KHDRBS2: variants seen among roughly 807,000 people sequenced by gnomAD.
KHDRBS2 encodes the protein KH RNA binding domain containing, signal transduction associated 2, also known as KH domain-containing, RNA-binding, signal transduction-associated protein 2.
Under a neutral mutation model 44.3 loss-of-function variants are expected in KHDRBS2, and 26 were observed. That is an observed-to-expected ratio of 0.59 (90% CI 0.43 to 0.81). KHDRBS2 has a LOEUF of 0.81. Among genes scored for constraint, KHDRBS2 ranks in the 40% least tolerant of loss-of-function variants. KHDRBS2 has a pLI of 0.00. For missense variants in KHDRBS2, 476 were observed against 433.1 expected (o/e 1.10, Z -0.88); for synonymous variants, 194 against 151.1 (o/e 1.28, Z -2.08).
intron 2 of KHDRBS2, among the ~76,000 whole-genome samples, chr6:62,155,609 A>G (rs1355672303): frequency 6.6e-6 from 1 of 152,204 alleles, no homozygotes; most frequent in African/African-American, 2.4e-5. Context: ...TGGCCCCAAC[A>G]CTGTCCAAGA....
At chr6:62,047,045 C>T (rs1441195986) in intron 3 of KHDRBS2, among the ~76,000 whole-genome samples, 1 of 151,848 alleles carries the variant, frequency 6.6e-6, no homozygotes. Flanking sequence ...AACACAGATG[C>T]AGGACTCCTG....
At chr6:62,206,342 T>C (rs1258371412) in intron 1 of KHDRBS2, among the ~76,000 whole-genome samples, 1 of 152,104 alleles carries the variant, frequency 6.6e-6, no homozygotes, top group Non-Finnish European at 1.5e-5. Context: ...GTGTAGCTTT[T>C]CTCAAAACGT....
intron 4 of KHDRBS2, among the ~76,000 whole-genome samples, chr6:61,927,010 G>A (rs772047099): frequency 6.6e-6 from 1 of 151,860 alleles, no homozygotes; most frequent in African/African-American, 2.4e-5. Context: ...CAATCATCTA[G>A]TGCTTATCCA....
chr6:62,072,773 G>A (rs2127346927), intron 2 of KHDRBS2, among the ~76,000 whole-genome samples: 1 of 152,214 alleles, frequency 6.6e-6, no homozygotes, highest in East Asian at 1.9e-4. Context: ...TTGCATCGAT[G>A]TTCATCAGGG....
chr6:61,948,888 A>G (rs1764169772), intron 4 of KHDRBS2, among the ~76,000 whole-genome samples: 1 of 151,908 alleles, frequency 6.6e-6, no homozygotes, highest in African/African-American at 2.4e-5. Flanking sequence ...ACAATGTGAT[A>G]AAGCCTTTAT....
chr6:61,574,260 A>T, the KHDRBS2 span: 1 of 1,093,030 alleles, frequency 9.1e-7, no homozygotes, highest in Non-Finnish European at 1.4e-6. Flanking sequence ...CATATGTTTA[A>T]CGGCCGTGGT....
At chr6:62,238,726 ATATT>A (rs1054341439) in intron 1 of KHDRBS2, among the ~76,000 whole-genome samples, 306 of 151,786 alleles carry the variant, frequency 2.0e-3, no homozygotes, top group African/African-American at 6.9e-3. Flanking sequence ...ACACACACAT[ATATT>A]TGAGTACAGA....
At chr6:61,576,128 C>T in the KHDRBS2 span, among the ~76,000 whole-genome samples, 9 of 151,946 alleles carry the variant, frequency 5.9e-5, no homozygotes, top group Non-Finnish European at 1.3e-4. Context: ...ATAAGTGACA[C>T]TGGTATTTTG....
chr6:61,691,721 C>T (rs1026498586), intron 8 of KHDRBS2, among the ~76,000 whole-genome samples: 3 of 152,090 alleles, frequency 2.0e-5, no homozygotes, highest in Non-Finnish European at 4.4e-5. Flanking sequence ...GCTGCCACAA[C>T]TGCCAGTTAA....
the KHDRBS2 span, among the ~76,000 whole-genome samples, chr6:61,572,437 T>C: frequency 6.6e-6 from 1 of 151,842 alleles, no homozygotes; most frequent in African/African-American, 2.4e-5. Flanking sequence ...TTTCAAAAGA[T>C]AAAGAGGGAA....
chr6:62,195,190 G>A (rs1028242226), intron 1 of KHDRBS2, among the ~76,000 whole-genome samples: 55 of 151,996 alleles, frequency 3.6e-4, no homozygotes, highest in Admixed American at 1.3e-4. Context: ...TGATGCTATT[G>A]TAAATGGAAT....
chr6:62,284,310 CT>C (rs140221530), intron 1 of KHDRBS2, among the ~76,000 whole-genome samples: 3,006 of 151,894 alleles, frequency 0.02, 102 homozygotes, highest in African/African-American at 0.069. Context: ...CAATTTGTAA[CT>C]TTTTTTTCAC....
chr6:61,631,419 C>A, the KHDRBS2 span, among the ~76,000 whole-genome samples: 1 of 148,810 alleles, frequency 6.7e-6, no homozygotes, highest in South Asian at 2.1e-4. Context: ...ACTTCAGGAG[C>A]AAGGGGGAAG....
At chr6:61,991,811 G>A (rs1776183114) in intron 3 of KHDRBS2, among the ~76,000 whole-genome samples, 1 of 152,278 alleles carries the variant, frequency 6.6e-6, no homozygotes, top group East Asian at 1.9e-4. Flanking sequence ...AGCCAGAGAG[G>A]GGAAAACAAG....
At chr6:62,201,655 A>T (rs184671607) in intron 1 of KHDRBS2, among the ~76,000 whole-genome samples, 17 of 152,224 alleles carry the variant, frequency 1.1e-4, no homozygotes, top group Admixed American at 5.9e-4. Context: ...CTTTGGAAAA[A>T]AATTGGTTAG....
At chr6:62,056,853 T>C (rs1207364214) in intron 2 of KHDRBS2, among the ~76,000 whole-genome samples, 1 of 151,988 alleles carries the variant, frequency 6.6e-6, no homozygotes, top group East Asian at 1.9e-4. Context: ...AAATATGTGG[T>C]ACTTACTTTC....
the KHDRBS2 span, among the ~76,000 whole-genome samples, chr6:61,603,046 T>G: frequency 6.6e-6 from 1 of 152,050 alleles, no homozygotes; most frequent in Non-Finnish European, 1.5e-5. Context: ...ATGCACCCCT[T>G]ACCATCCCAT....
intron 2 of KHDRBS2, among the ~76,000 whole-genome samples, chr6:62,124,610 C>CAG (rs1808499590): frequency 6.6e-6 from 1 of 151,876 alleles, no homozygotes; most frequent in African/African-American, 2.4e-5. Context: ...CACACACACA[C>CAG]ACACACACAC....
the KHDRBS2 span, among the ~76,000 whole-genome samples, chr6:61,653,133 A>G: frequency 6.6e-6 from 1 of 152,094 alleles, no homozygotes; most frequent in South Asian, 2.1e-4. Context: ...TTAGATGGAC[A>G]CTGAAAATAA....
Sources: gnomAD v4.1 joint callset for allele counts (sites outside exome capture counted in the v4.1 genomes callset) on GRCh38, gnomAD v4.1.1 for gene constraint, MANE v1.5 for transcripts, NCBI Gene and HGNC (gene_info 2026-07-23, HGNC 2026-07-21) for gene names.